Variants in COL4A6 observed in about 807,000 individuals in gnomAD.
COL4A6 encodes collagen alpha-6(IV) chain.
COL4A6 carries 59 observed loss-of-function variants against 126.7 expected under a neutral mutation model. The ratio of observed to expected loss-of-function variants is 0.47; its 90% CI spans 0.38 to 0.58. The LOEUF is 0.58. Among genes scored for constraint, COL4A6 ranks in the 20% least tolerant of loss-of-function variants. COL4A6 has a pLI of 0.00. For synonymous variants in COL4A6, 547 were observed against 496.6 expected (o/e 1.10, Z -1.35); for missense variants, 1,285 against 1,337.3 (o/e 0.96, Z 0.61).
chrX:108,416,886 C>T (rs766482219), intron 2 of COL4A6, among the ~76,000 whole-genome samples: 3 of 111,814 alleles, frequency 2.7e-5, no homozygotes, highest in Non-Finnish European at 5.6e-5. Context: ...GTACTTTTCA[C>T]ACTTAGAGAA....
intron 3 of COL4A6, among the ~76,000 whole-genome samples, chrX:108,251,554 T>C (rs1440425797): frequency 4.5e-5 from 5 of 112,193 alleles, no homozygotes; most frequent in African/African-American, 6.5e-5. Flanking sequence ...TTTTAAATTA[T>C]TCATATTTGC....
chrX:108,265,821 G>C lies in COL4A6; in HGVS notation c.145-44447C>G, dbSNP rs192136493. On this transcript the variant is annotated intron_variant, in intron 3 of 44. Coordinates refer to ENST00000334504, the MANE Select transcript of COL4A6 (RefSeq NM_033641.4). Reference sequence around the variant, plus strand: ...AGGGCTACCAGATCATGAAGACCTAGAGTGCTATGATGAAGAGTTTGGACT... The same window carrying C: ...AGGGCTACCAGATCATGAAGACCTACAGTGCTATGATGAAGAGTTTGGACT... Among the ~76,000 whole-genome samples, 12 of 111,078 alleles carry C rather than the reference G, an allele frequency of 1.1e-4. No homozygotes were observed. In the East Asian group the frequency reaches 2.3e-3, roughly 21 times the overall value.
intron 2 of COL4A6, among the ~76,000 whole-genome samples, chrX:108,314,693 T>C (rs1378621650): frequency 8.9e-6 from 1 of 112,116 alleles, no homozygotes; most frequent in African/African-American, 3.2e-5. Flanking sequence ...CTGGAGTCAG[T>C]CTGTACAGGT....
intron 2 of COL4A6, among the ~76,000 whole-genome samples, chrX:108,337,493 A>C (rs1165056836): frequency 8.9e-6 from 1 of 112,982 alleles, no homozygotes; most frequent in Non-Finnish European, 1.9e-5. Flanking sequence ...AACAAATTAA[A>C]ATCAGATGAG....
intron 2 of COL4A6, among the ~76,000 whole-genome samples, chrX:108,315,516 C>T (rs1441681777): frequency 8.9e-6 from 1 of 111,862 alleles, no homozygotes; most frequent in Non-Finnish European, 1.9e-5. Flanking sequence ...TTTTTAAATG[C>T]TAAAAATATT....
At chrX:108,404,200 C>A (rs1878368099) in intron 2 of COL4A6, among the ~76,000 whole-genome samples, 1 of 111,945 alleles carries the variant, frequency 8.9e-6, no homozygotes, top group African/African-American at 3.2e-5. Flanking sequence ...TAGTGCAACA[C>A]AGACTAAGAC....
In COL4A6 at chrX:108,164,688, A is replaced by G; in HGVS notation, c.3981T>C (p.Gly1327=). The change falls in exon 40 of 45, where the codon GGT becomes GGC. Residue 1327 remains glycine, a synonymous_variant. Coordinates refer to ENST00000334504, the MANE Select transcript of COL4A6 (RefSeq NM_033641.4). The part of the protein sequence containing the change: ...PGELGLKGMR[G]EPGFMGTPGK... ...CTGGAGTCCCCATGAAGCCAGGCTC[A>G]CCTCTCATGCCTGACAAAGCCCAAA... The G allele has an allele frequency of 8.3e-7, 1 of 1,210,437 alleles. No homozygotes were observed. Among genetic ancestry groups the G allele is most frequent in the Non-Finnish European group, 1.1e-6 (1 of 894,856 alleles).
At chrX:108,258,317 T>C (rs1163737343) in intron 3 of COL4A6, among the ~76,000 whole-genome samples, 1 of 112,050 alleles carries the variant, frequency 8.9e-6, no homozygotes, top group African/African-American at 3.2e-5. Context: ...CTGGGTGTCT[T>C]ACCCACTTCT....
At chrX:108,298,448 C>T (rs2038388169) in intron 3 of COL4A6, among the ~76,000 whole-genome samples, 1 of 111,853 alleles carries the variant, frequency 8.9e-6, no homozygotes, top group South Asian at 3.8e-4. Flanking sequence ...TCCCGCCTGG[C>T]CTCCGGGCCC....
chrX:108,415,176 T>C (rs2041411426), intron 2 of COL4A6, among the ~76,000 whole-genome samples: 1 of 112,264 alleles, frequency 8.9e-6, no homozygotes, highest in Non-Finnish European at 1.9e-5. Context: ...ATCTCTTTCC[T>C]ACCTACAGGA....
intron 3 of COL4A6, among the ~76,000 whole-genome samples, chrX:108,270,453 C>T (rs980911696): frequency 1.8e-5 from 2 of 112,457 alleles, no homozygotes; most frequent in Admixed American, 1.9e-4. Context: ...CCCAGGCAAG[C>T]CCACTGGTCC....
intron 3 of COL4A6, among the ~76,000 whole-genome samples, chrX:108,265,041 G>A (rs1382775684): frequency 8.9e-6 from 1 of 112,079 alleles, no homozygotes; most frequent in Non-Finnish European, 1.9e-5. Flanking sequence ...TCATAGGCTA[G>A]AAGAAAGGAT....
At chrX:108,196,363 G>C in intron 14 of COL4A6, 148 bp downstream of exon 14, 1 of 507,122 alleles carries the variant, frequency 2.0e-6, no homozygotes. Context: ...GGCTAAGAGA[G>C]AAGGAGGTCT....
intron 23 of COL4A6, chrX:108,183,614 C>G (rs1230820519): frequency 2.1e-6 from 1 of 472,103 alleles, no homozygotes; most frequent in African/African-American, 2.5e-5. Context: ...AACAGGGCAT[C>G]CAGTGTGGTG....
chrX:108,184,223 G>T (rs1460270791), intron 23 of COL4A6, among the ~76,000 whole-genome samples: 2 of 112,432 alleles, frequency 1.8e-5, no homozygotes, highest in African/African-American at 6.5e-5. Flanking sequence ...AAATTGTGCA[G>T]AAGAAAGGTA....
At chrX:108,211,924 T>C (rs957417311) in intron 6 of COL4A6, among the ~76,000 whole-genome samples, 184 bp from the exon 7 acceptor site, 11 of 111,869 alleles carry the variant, frequency 9.8e-5, no homozygotes, top group African/African-American at 3.6e-4. Context: ...TTCAGAGCTA[T>C]ATGCCCTCCC....
At chrX:108,385,760 C>CAGA (rs976195014) in intron 2 of COL4A6, among the ~76,000 whole-genome samples, 1 of 110,984 alleles carries the variant, frequency 9.0e-6, no homozygotes, top group African/African-American at 3.3e-5. Context: ...GATACATGTG[C>CAGA]AGAACATGCA....
Position 108,202,923 on chromosome X carries a change from C to T in COL4A6, c.834+5G>A. ...TATACATATTGATCAAATAGAGAGA[C>T]TTACCGGGAAGCCTGGAGGGCCACT... On this transcript the variant is annotated splice_donor_5th_base_variant and intron_variant, in intron 13 of 44. Coordinates refer to ENST00000334504, the MANE Select transcript of COL4A6 (RefSeq NM_033641.4). 3.3e-6 allele frequency: 4 copies of T among 1,206,989 alleles called. No homozygotes were observed. The highest frequency in any genetic ancestry group is 4.5e-6 in the Non-Finnish European group (4 of 891,344).
At chrX:108,261,326 C>T (rs929058801) in intron 3 of COL4A6, among the ~76,000 whole-genome samples, 1 of 111,787 alleles carries the variant, frequency 8.9e-6, no homozygotes, top group Non-Finnish European at 1.9e-5. Context: ...TTGGATGTTA[C>T]TGCCCTAGAA....
Sources: gnomAD v4.1 joint callset for allele counts (sites outside exome capture counted in the v4.1 genomes callset) on GRCh38, gnomAD v4.1.1 for gene constraint, MANE v1.5 for transcripts, NCBI Gene and HGNC (gene_info 2026-07-23, HGNC 2026-07-21) for gene names.